PNPLA7: variants seen among roughly 807,000 people sequenced by gnomAD.
The protein encoded by PNPLA7 is patatin like domain 7, lysophospholipase, also known as patatin-like phospholipase domain-containing protein 7.
A neutral mutation model predicts 161.7 loss-of-function variants in PNPLA7; 153 were observed. That is an observed-to-expected ratio of 0.95 (90% CI 0.83 to 1.08). PNPLA7 has a LOEUF of 1.08. Ranked by LOEUF, PNPLA7 falls within the 50% of genes least tolerant of loss-of-function variation. The pLI is 0.00. For synonymous variants in PNPLA7, 809 were observed against 782.1 expected (o/e 1.03, Z -0.57); for missense variants, 1,739 against 1,856.6 (o/e 0.94, Z 1.16).
At position 137,547,527 on chromosome 9, in the gene PNPLA7, A is replaced by G; in HGVS notation, c.105+58T>C. On this transcript the variant is annotated intron_variant, in intron 2 of 34. Coordinates refer to ENST00000406427, the MANE Select transcript of PNPLA7 (RefSeq NM_001098537.3). The surrounding 1 kb of genome is among the most constrained non-coding windows in gnomAD (Gnocchi z 4.6). Reference sequence around the variant, plus strand: ...TGAGCCAGGGGATGGGGACAGGGAGAGGTGAAAAAGGCCACGGCCCATCCA... The same window carrying G: ...TGAGCCAGGGGATGGGGACAGGGAGGGGTGAAAAAGGCCACGGCCCATCCA... The G allele has an allele frequency of 6.3e-7, 1 of 1,598,432 alleles. No individual in the cohort carries two copies. Among genetic ancestry groups the G allele is most frequent in the Non-Finnish European group, 8.6e-7 (1 of 1,166,736 alleles).
At chr9:137,518,015 C>G (rs960685984) in intron 11 of PNPLA7, among the ~76,000 whole-genome samples, 8 of 124,042 alleles carry the variant, frequency 6.4e-5, no homozygotes, top group Non-Finnish European at 1.2e-4. Context: ...CTCCATCCCC[C>G]ACTCACTCAC....
Position 137,463,464 on chromosome 9 carries a change from C to T in PNPLA7, c.3294G>A (p.Pro1098=), listed in dbSNP as rs145371243. ...CGTCCATCAGCAGGTGTCCGTCCTTCGGGTCACAGAGAGGGGGCATGTAAC... is the reference window on the plus strand; with the variant it reads ...CGTCCATCAGCAGGTGTCCGTCCTTTGGGTCACAGAGAGGGGGCATGTAAC... ...LSGYMPPLCD[P]KDGHLLMDGG... The change falls in exon 29 of 35, where the codon CCG becomes CCA. Residue 1098 remains proline, a synonymous_variant. Coordinates refer to ENST00000406427, the MANE Select transcript of PNPLA7 (RefSeq NM_001098537.3). 11 of 1,596,680 alleles carry T rather than the reference C, an allele frequency of 6.9e-6. No homozygotes were observed. The highest frequency in any genetic ancestry group is 1.3e-5 in the African/African-American group (1 of 74,666).
chr9:137,541,296 C>T lies in PNPLA7; in HGVS notation c.667-574G>A, dbSNP rs977761938. On this transcript the variant is annotated intron_variant, in intron 7 of 34. Coordinates refer to ENST00000406427, the MANE Select transcript of PNPLA7 (RefSeq NM_001098537.3). The surrounding 1 kb of genome is among the most constrained non-coding windows in gnomAD (Gnocchi z 4.4). ...CAGGAGGGCCCCGCACGAGCGGCAA[C>T]GAAAGCCGCTGCTTCACCAGCTGGG... 2.7e-5 allele frequency: 11 copies of T among 411,710 alleles called. No homozygotes were observed. The highest frequency in any genetic ancestry group is 1.2e-3 in the Middle Eastern group (1 of 826). The allele number at this position is 411,710 out of a possible 1,614,324, so 25.5% of individuals were successfully genotyped here.
At chr9:137,477,930 G>A (rs193091427) in intron 25 of PNPLA7, 104 bp downstream of exon 25, 154 of 969,450 alleles carry the variant, frequency 1.6e-4, no homozygotes, top group Non-Finnish European at 1.9e-4. Context: ...TCTCGTCTGC[G>A]GGTGACACCC....
intron 18 of PNPLA7, among the ~76,000 whole-genome samples, chr9:137,495,959 A>T (rs921514850): frequency 6.6e-6 from 1 of 152,106 alleles, no homozygotes; most frequent in Non-Finnish European, 1.5e-5. Flanking sequence ...GCCCTGGCAG[A>T]GCTGAGGCGA....
chr9:137,532,960 TCAA>T (rs1189068029), intron 8 of PNPLA7, among the ~76,000 whole-genome samples: 2 of 150,698 alleles, frequency 1.3e-5, no homozygotes, highest in Non-Finnish European at 3.0e-5. Flanking sequence ...CCCAGAATCC[TCAA>T]CAACAGTGTC....
chr9:137,534,421 A>C (rs577720373), intron 8 of PNPLA7, among the ~76,000 whole-genome samples: 4 of 149,556 alleles, frequency 2.7e-5, no homozygotes, highest in Admixed American at 6.6e-5. Context: ...TCCAGATGGG[A>C]GCACTCCCAG....
At chr9:137,536,984 G>A (rs1316596344) in intron 8 of PNPLA7, among the ~76,000 whole-genome samples, 3 of 151,804 alleles carry the variant, frequency 2.0e-5, no homozygotes, top group Non-Finnish European at 4.4e-5. Context: ...GCCATCCACC[G>A]AGCCACACTT....
chr9:137,549,220 C>A (rs922882802), intron 1 of PNPLA7, among the ~76,000 whole-genome samples: 2 of 152,092 alleles, frequency 1.3e-5, no homozygotes, highest in Non-Finnish European at 2.9e-5. Context: ...CAGTGTCTCA[C>A]GCCTGTAATC....
At chr9:137,545,400 A>G (rs1588719868) in intron 4 of PNPLA7, among the ~76,000 whole-genome samples, 1 of 152,092 alleles carries the variant, frequency 6.6e-6, no homozygotes, top group Admixed American at 6.6e-5. Context: ...AGAGTCAGGA[A>G]CCTCTGGCCG....
In PNPLA7 at chr9:137,520,950, G is replaced by A. The variant is rs1013590719; in HGVS notation, c.957+686C>T. 3.3e-5 allele frequency among the ~76,000 whole-genome samples: 5 copies of A among 151,854 alleles called. No homozygotes were observed. Among genetic ancestry groups the A allele is most frequent in the Admixed American group, 2.6e-4 (4 of 15,240 alleles). ...GGGAGGGGCAGCCTCTGCTGGACGC[G>A]GACGTAGGGACCCCACGGGACGGGC... On this transcript the variant is annotated intron_variant, in intron 10 of 34. Transcript: ENST00000406427. The surrounding 1 kb of genome is among the most constrained non-coding windows in gnomAD (Gnocchi z 5.2).
rs1435734752 is a variant in PNPLA7, at chr9:137,541,717, C to T, written c.666+925G>A. On this transcript the variant is annotated intron_variant, in intron 7 of 34. Coordinates refer to ENST00000406427, the MANE Select transcript of PNPLA7 (RefSeq NM_001098537.3). This position sits in a 1 kb window ranked among gnomAD's most constrained non-coding sequence, Gnocchi z 4.4. The stretch of plus-strand genomic sequence containing the variant: ...TGGCCCAGCACCCACCCCCGAGCAG[C>T]GATTCAAAGGGTGGAATTTAACAGA... Among the ~76,000 whole-genome samples, 2 of 152,202 alleles carry T rather than the reference C, an allele frequency of 1.3e-5. No individual in the cohort carries two copies. The highest frequency in any genetic ancestry group is 1.5e-5 in the Non-Finnish European group (1 of 68,044).
At chr9:137,461,761 G>A (rs1469067538) in intron 32 of PNPLA7, 141 bp from the exon 33 acceptor site, 8 of 1,194,970 alleles carry the variant, frequency 6.7e-6, no homozygotes, top group African/African-American at 1.5e-5. Flanking sequence ...AGGGACCGGG[G>A]AGATGCGCAG....
At position 137,460,712 on chromosome 9, in the gene PNPLA7, G is replaced by A. The variant is rs771810854; in HGVS notation, c.3867C>T (p.Tyr1289=). The A allele has an allele frequency of 4.3e-6, 7 of 1,612,802 alleles. No homozygotes were observed. Among genetic ancestry groups the A allele is most frequent in the African/African-American group, 1.3e-5 (1 of 75,054 alleles). The part of the protein sequence containing the change: ...VDDESDYQTE[Y]EEELLDVPRD... Reference sequence around the variant, plus strand: ...TGGGGACGTCCAGCAGCTCCTCCTCGTACTCCGTCTGGTAGTCAGATTCGT... The same window carrying A: ...TGGGGACGTCCAGCAGCTCCTCCTCATACTCCGTCTGGTAGTCAGATTCGT... The change falls in exon 34 of 35, where the codon TAC becomes TAT. Residue 1289 remains tyrosine (Y), a synonymous_variant. Coordinates refer to ENST00000406427, the MANE Select transcript of PNPLA7 (RefSeq NM_001098537.3).
intron 28 of PNPLA7, among the ~76,000 whole-genome samples, chr9:137,463,842 G>A (rs1174799635): frequency 1.3e-5 from 2 of 152,062 alleles, no homozygotes; most frequent in Admixed American, 1.3e-4. Context: ...CCAGGACTCA[G>A]GGAGCCCCTC....
At position 137,480,662 on chromosome 9, in the gene PNPLA7, G is replaced by T. The variant is rs182956416; in HGVS notation, c.2412-182C>A. 1.7e-4 allele frequency: 132 copies of T among 774,628 alleles called. 1 individual carries two copies. Among genetic ancestry groups the T allele is most frequent in the Admixed American group, 1.3e-3 (44 of 34,208 alleles). The allele number at this position is 774,628 out of a possible 1,614,324, so 48.0% of individuals were successfully genotyped here. ...TTCAGGGCCTAGGCAGTCACGCAGA[G>T]GCTGCAGTTAAGCCCAGAGGCTGAG... is the stretch of plus-strand genomic sequence containing the variant. On this transcript the variant is annotated intron_variant, in intron 22 of 34. Transcript: ENST00000406427.
chr9:137,468,375 G>A lies in PNPLA7; in HGVS notation c.2883-902C>T, dbSNP rs778924482. On this transcript the variant is annotated intron_variant, in intron 25 of 34. Coordinates refer to ENST00000406427, the MANE Select transcript of PNPLA7 (RefSeq NM_001098537.3). The surrounding 1 kb of genome is among the most constrained non-coding windows in gnomAD (Gnocchi z 4.0). ...AACAGACAATGAAAGTGGGCCCAGA[G>A]TGCCTCCCAGGTAAGAGATACAGAC... 2.6e-5 allele frequency among the ~76,000 whole-genome samples: 4 copies of A among 152,210 alleles called. No homozygotes were observed. Among genetic ancestry groups the A allele is most frequent in the Non-Finnish European group, 4.4e-5 (3 of 68,036 alleles).
Position 137,543,630 on chromosome 9 carries a change from A to G in PNPLA7, c.366-58T>C. 1 of 1,608,182 alleles carries G rather than the reference A, an allele frequency of 6.2e-7. No homozygotes were observed. The highest frequency in any genetic ancestry group is 8.5e-7 in the Non-Finnish European group (1 of 1,176,440). The stretch of plus-strand genomic sequence containing the variant: ...ACCAGGCGGGTTCGAAACCCACAGC[A>G]TCAGTGGCTGACACACCAGGCAGCT... On this transcript the variant is annotated intron_variant, in intron 5 of 34. Transcript: ENST00000406427. This position sits in a 1 kb window ranked among gnomAD's most constrained non-coding sequence, Gnocchi z 6.9.
rs34191041 is a variant in PNPLA7, at chr9:137,484,603, A to G, written c.2331T>C (p.His777=). ...CAGGCTTACCGATGGCGCTGAGGGC[A>G]TGCTCCAGCTCCAGGGCGAAGGCGG... ...PLTAFALELE[H]ALSAIGPTLL... is the part of the protein sequence containing the mutation. Residue 777 remains histidine, a synonymous_variant, in exon 21 of 35, where the codon CAT becomes CAC. Transcript: ENST00000406427. 8,619 of 1,610,266 alleles carry G rather than the reference A, an allele frequency of 5.4e-3. 367 individuals carry two copies. The African/African-American group carries it at 0.1, about 19-fold the overall frequency.
Sources: gnomAD v4.1 joint callset for allele counts (sites outside exome capture counted in the v4.1 genomes callset) on GRCh38, gnomAD v4.1.1 for gene constraint, Gnocchi (gnomAD v3.1) non-coding constraint, MANE v1.5 for transcripts, NCBI Gene and HGNC (gene_info 2026-07-23, HGNC 2026-07-21) for gene names.